PDE4D: variants seen among roughly 807,000 people sequenced by gnomAD.
PDE4D encodes the protein phosphodiesterase 4D, also known as 3',5'-cyclic-AMP phosphodiesterase 4D.
PDE4D carries 24 observed loss-of-function variants against 87.4 expected under a neutral mutation model. The ratio of observed to expected loss-of-function variants is 0.27; its 90% CI spans 0.20 to 0.39. The LOEUF is 0.39. Among genes scored for constraint, PDE4D ranks in the 10% least tolerant of loss-of-function variants. The pLI is 1.00. For synonymous variants in PDE4D, 384 were observed against 383.2 expected (o/e 1.00, Z -0.02); for missense variants, 714 against 1,041.0 (o/e 0.69, Z 4.32).
Position 60,362,179 on chromosome 5 carries a change from G to A in PDE4D, c.-90+125763C>T, listed in dbSNP as rs1359887615. Reference sequence around the variant, plus strand: ...ATTATACTGAGAGCTCTGCTCAAGAGATGTGAAATAAACCAAAAAGTGTCA... The same window carrying A: ...ATTATACTGAGAGCTCTGCTCAAGAAATGTGAAATAAACCAAAAAGTGTCA... On this transcript the variant is annotated intron_variant, in intron 1 of 16. Coordinates refer to the PDE4D transcript ENST00000502484. Among the ~76,000 whole-genome samples, 5 of 152,164 alleles carry A rather than the reference G, an allele frequency of 3.3e-5. No homozygotes were observed. The East Asian group carries it at 9.6e-4, about 29-fold the overall frequency.
intron 1 of PDE4D, among the ~76,000 whole-genome samples, chr5:59,524,241 A>T (rs889394813): frequency 3.9e-5 from 6 of 152,234 alleles, no homozygotes; most frequent in African/African-American, 1.2e-4. Flanking sequence ...GAAGACAGAA[A>T]GATGTGGGAA....
At chr5:59,444,297 C>G (rs1340093371) in intron 1 of PDE4D, among the ~76,000 whole-genome samples, 1 of 152,272 alleles carries the variant, frequency 6.6e-6, no homozygotes, top group African/African-American at 2.4e-5. Flanking sequence ...TGGAATATGA[C>G]ATTAATGCCG....
chr5:59,625,535 C>A (rs1248869681), intron 1 of PDE4D, among the ~76,000 whole-genome samples: 1 of 151,548 alleles, frequency 6.6e-6, no homozygotes, highest in African/African-American at 2.4e-5. Context: ...TTTTAAGTTG[C>A]TAAGTGTATG....
At chr5:60,208,431 T>A (rs964065002) in intron 1 of PDE4D, among the ~76,000 whole-genome samples, 1 of 152,012 alleles carries the variant, frequency 6.6e-6, no homozygotes, top group Non-Finnish European at 1.5e-5. Context: ...TCACAGGGTG[T>A]ATGTAGGGTT....
At position 58,972,979 on chromosome 5, in the gene PDE4D, C is replaced by T. The variant is rs1377466394; in HGVS notation, c.*1685G>A. The T allele has an allele frequency of 6.6e-6, 1 of 152,146 alleles. No individual in the cohort carries two copies. Among genetic ancestry groups the T allele is most frequent in the African/African-American group, 2.4e-5 (1 of 41,418 alleles). 9.4% of individuals were successfully genotyped at this position (152,146 alleles called of 1,614,324 possible). A position where few individuals can be genotyped will look rare whatever the true frequency, so the allele number is the denominator to read the frequency against. On this transcript the variant is annotated 3_prime_UTR_variant, in exon 15 of 15. Coordinates refer to ENST00000340635, the MANE Select transcript of PDE4D (RefSeq NM_001104631.2). Reference sequence around the variant, plus strand: ...TGTTTAAAGAAGTAGTTCCCCTCTGCAAGATATGCTTATGGATCGAGGATA... The same window carrying T: ...TGTTTAAAGAAGTAGTTCCCCTCTGTAAGATATGCTTATGGATCGAGGATA...
At chr5:59,292,059 A>T (rs1236691815) in intron 1 of PDE4D, among the ~76,000 whole-genome samples, 2 of 152,070 alleles carry the variant, frequency 1.3e-5, no homozygotes, top group Non-Finnish European at 2.9e-5. Context: ...GCAAAAAGAG[A>T]TCATGCCAAA....
chr5:59,976,675 G>T (rs999392673), intron 3 of PDE4D, among the ~76,000 whole-genome samples: 9 of 152,110 alleles, frequency 5.9e-5, no homozygotes, highest in Admixed American at 3.3e-4. Flanking sequence ...CTAACACATT[G>T]CTTTATCACA....
intron 3 of PDE4D, among the ~76,000 whole-genome samples, chr5:59,915,911 C>T (rs1753986427): frequency 6.6e-6 from 1 of 152,144 alleles, no homozygotes; most frequent in Non-Finnish European, 1.5e-5. Context: ...TTGAACTAAA[C>T]ATGAAACATA....
At chr5:59,459,300 A>C (rs1800395303) in intron 1 of PDE4D, among the ~76,000 whole-genome samples, 1 of 152,180 alleles carries the variant, frequency 6.6e-6, no homozygotes, top group Non-Finnish European at 1.5e-5. Context: ...GAGAGGCGAA[A>C]TATTCTTACA....
chr5:59,741,166 C>A (rs1758775382), intron 1 of PDE4D, among the ~76,000 whole-genome samples: 2 of 152,198 alleles, frequency 1.3e-5, no homozygotes. Flanking sequence ...TACTGAACTA[C>A]ATCAAACAAT....
chr5:59,071,954 G>A (rs143576918), intron 5 of PDE4D, among the ~76,000 whole-genome samples: 3,788 of 152,236 alleles, frequency 0.025, 51 homozygotes, highest in Non-Finnish European at 0.04. Context: ...CTCCCGAAGT[G>A]TTGGGATTAC....
chr5:60,152,182 T>A (rs1781564779), intron 2 of PDE4D, among the ~76,000 whole-genome samples: 1 of 152,204 alleles, frequency 6.6e-6, no homozygotes, highest in African/African-American at 2.4e-5. Context: ...GAGTTTTGCA[T>A]CTATATTTAT....
At chr5:60,439,490 A>G (rs1321509612) in intron 1 of PDE4D, among the ~76,000 whole-genome samples, 1 of 152,104 alleles carries the variant, frequency 6.6e-6, no homozygotes. Context: ...CCCAAATGGC[A>G]TCAGAGTTTT....
At chr5:60,280,223 A>G (rs921271087) in intron 1 of PDE4D, among the ~76,000 whole-genome samples, 1 of 151,922 alleles carries the variant, frequency 6.6e-6, no homozygotes, top group Admixed American at 6.6e-5. Flanking sequence ...TGACACAGCA[A>G]TTAATATGTT....
chr5:59,043,845 G>C (rs1191922934), intron 5 of PDE4D, among the ~76,000 whole-genome samples: 1 of 151,990 alleles, frequency 6.6e-6, no homozygotes, highest in Non-Finnish European at 1.5e-5. Context: ...TGAGAATGAT[G>C]GTTTCCAATT....
rs532886577 is a variant in PDE4D at position 59,718,900 on chromosome 5, AT to A, written c.455+174267del. 4.6e-3 allele frequency among the ~76,000 whole-genome samples: 695 copies of A among 151,992 alleles called. 4 individuals are homozygous for A. The highest frequency in any genetic ancestry group is 0.016 in the African/African-American group (675 of 41,486). The stretch of plus-strand genomic sequence containing the variant: ...ATATTTATCAGATTTGGGGGAATAA[AT>A]TTTTTTTGAAAAAGTTCTCAGATCC... On this transcript the variant is annotated intron_variant, in intron 1 of 14. Coordinates refer to ENST00000340635, the MANE Select transcript of PDE4D (RefSeq NM_001104631.2).
chr5:60,068,025 G>A (rs1582484811), intron 2 of PDE4D, among the ~76,000 whole-genome samples: 1 of 152,260 alleles, frequency 6.6e-6, no homozygotes, highest in East Asian at 1.9e-4. Context: ...ATCCTACAAT[G>A]AATATAGGAG....
At chr5:60,247,582 A>G (rs1011657707) in intron 1 of PDE4D, among the ~76,000 whole-genome samples, 2 of 152,010 alleles carry the variant, frequency 1.3e-5, no homozygotes, top group Non-Finnish European at 2.9e-5. Context: ...ATAGGTGCAT[A>G]CATAGCCCCT....
At chr5:59,598,948 T>G (rs1827100373) in intron 1 of PDE4D, among the ~76,000 whole-genome samples, 1 of 152,068 alleles carries the variant, frequency 6.6e-6, no homozygotes, top group African/African-American at 2.4e-5. Flanking sequence ...AACTTTCCCA[T>G]TCCCCCCAGT....
Sources: gnomAD v4.1 joint callset for allele counts (sites outside exome capture counted in the v4.1 genomes callset) on GRCh38, gnomAD v4.1.1 for gene constraint, MANE v1.5 for transcripts, NCBI Gene and HGNC (gene_info 2026-07-23, HGNC 2026-07-21) for gene names.